PCSK5: variants seen among roughly 807,000 people sequenced by gnomAD.
PCSK5 encodes proprotein convertase subtilisin/kexin type 5.
In PCSK5, 129 loss-of-function variants were observed where a neutral mutation model predicts 233.2. The observed-to-expected ratio is 0.55, with a 90% CI of 0.48 to 0.64. The LOEUF (loss-of-function observed/expected upper bound fraction) is 0.64, where lower values mean the gene tolerates loss of function less well. Ranked by LOEUF, PCSK5 falls within the 30% of genes least tolerant of loss-of-function variation. The probability of loss-of-function intolerance (pLI) is 0.00; values close to 1 mark genes in which losing one functional copy is unlikely to be tolerated. For synonymous variants in PCSK5, 825 were observed against 879.2 expected (o/e 0.94, Z 1.09); for missense variants, 2,076 against 2,430.1 (o/e 0.85, Z 3.06).
chr9:76,344,731 T>A (rs1829929679), intron 35 of PCSK5, among the ~76,000 whole-genome samples: 1 of 152,208 alleles, frequency 6.6e-6, no homozygotes, highest in Admixed American at 6.5e-5. Context: ...GGTTGTCTGA[T>A]AAAATACTGT....
At chr9:76,164,940 C>CA (rs35432278) in intron 12 of PCSK5, among the ~76,000 whole-genome samples, 24,529 of 141,160 alleles carry the variant, frequency 0.17, 2,063 homozygotes, top group Middle Eastern at 0.23. Context: ...GGTTTTTTAC[C>CA]AAAAAAAAAA....
At chr9:76,331,395 T>C (rs1236488781) in intron 33 of PCSK5, among the ~76,000 whole-genome samples, 4 of 152,044 alleles carry the variant, frequency 2.6e-5, no homozygotes, top group African/African-American at 9.7e-5. Flanking sequence ...GGGCCAGGCA[T>C]GGTGGCTCAC....
At chr9:75,934,535 T>C (rs554354926) in intron 2 of PCSK5, among the ~76,000 whole-genome samples, 1 of 151,606 alleles carries the variant, frequency 6.6e-6, no homozygotes, top group East Asian at 1.9e-4. Context: ...GTGTTGGGGG[T>C]TGGGGGAGCA....
At chr9:76,134,837 T>C (rs1822906363) in intron 10 of PCSK5, among the ~76,000 whole-genome samples, 1 of 152,062 alleles carries the variant, frequency 6.6e-6, no homozygotes, top group Non-Finnish European at 1.5e-5. Flanking sequence ...CCAAAATAGC[T>C]ATTCTATTTG....
chr9:75,892,432 T>C (rs1825650125), intron 1 of PCSK5, among the ~76,000 whole-genome samples: 1 of 152,172 alleles, frequency 6.6e-6, no homozygotes, highest in Non-Finnish European at 1.5e-5. Flanking sequence ...TCTTTGGGGT[T>C]GGCCGGAGGG....
At chr9:76,119,118 T>A (rs1427962736) in intron 9 of PCSK5, among the ~76,000 whole-genome samples, 1 of 152,088 alleles carries the variant, frequency 6.6e-6, no homozygotes. Context: ...ATTTTTGAAT[T>A]GTGAGGACTA....
Position 75,986,123 on chromosome 9 carries a change from T to A in PCSK5, c.298-9T>A. The A allele has an allele frequency of 6.5e-7, 1 of 1,541,348 alleles. No individual in the cohort carries two copies. On this transcript the variant is annotated splice_polypyrimidine_tract_variant and intron_variant, in intron 2 of 37. Transcript: ENST00000674117. ...AACGTGAATACTCACCAAATGTCCTTCTTGACAGGTGGAATGGATCCAACA... is the reference window on the plus strand; with the variant it reads ...AACGTGAATACTCACCAAATGTCCTACTTGACAGGTGGAATGGATCCAACA...
chr9:76,125,719 A>G (rs1204427831), intron 9 of PCSK5, among the ~76,000 whole-genome samples: 1 of 152,176 alleles, frequency 6.6e-6, no homozygotes, highest in Non-Finnish European at 1.5e-5. Context: ...AAAATCCACA[A>G]GTTAGCAGTC....
At chr9:76,201,005 C>G (rs935026165) in intron 20 of PCSK5, among the ~76,000 whole-genome samples, 9 of 152,194 alleles carry the variant, frequency 5.9e-5, no homozygotes, top group Non-Finnish European at 8.8e-5. Context: ...CAGATTTGCT[C>G]AGTCCCCAGG....
intron 20 of PCSK5, chr9:76,195,458 C>T (rs1332734927): frequency 6.6e-6 from 1 of 152,160 alleles, no homozygotes; most frequent in Non-Finnish European, 1.5e-5. Flanking sequence ...TTCCATTTCC[C>T]ACTGACCATG....
chr9:76,065,019 A>G (rs1020737796), intron 5 of PCSK5, among the ~76,000 whole-genome samples: 1 of 152,206 alleles, frequency 6.6e-6, no homozygotes, highest in Non-Finnish European at 1.5e-5. Flanking sequence ...CTAATATTCC[A>G]TTGTGTACAT....
chr9:76,155,509 A>C (rs565587385), intron 10 of PCSK5, among the ~76,000 whole-genome samples: 2 of 152,286 alleles, frequency 1.3e-5, no homozygotes, highest in Non-Finnish European at 2.9e-5. Context: ...AAAAAGACAT[A>C]TGCTGACAGA....
At chr9:76,299,876 C>T (rs1828552860) in intron 27 of PCSK5, among the ~76,000 whole-genome samples, 1 of 152,120 alleles carries the variant, frequency 6.6e-6, no homozygotes, top group Admixed American at 6.5e-5. Flanking sequence ...TACTGTTAAA[C>T]CATTTGGATT....
chr9:75,922,576 G>C (rs1399798352), intron 1 of PCSK5, among the ~76,000 whole-genome samples: 1 of 152,150 alleles, frequency 6.6e-6, no homozygotes, highest in Non-Finnish European at 1.5e-5. Context: ...TTGGGTTGTT[G>C]CCTTGAGTAG....
chr9:76,147,899 T>C (rs537094672), intron 10 of PCSK5, among the ~76,000 whole-genome samples: 6 of 152,224 alleles, frequency 3.9e-5, no homozygotes, highest in Middle Eastern at 3.4e-3. Flanking sequence ...TGACCCTATG[T>C]TTTCAAACTT....
At chr9:76,206,954 A>C (rs954503547) in intron 20 of PCSK5, among the ~76,000 whole-genome samples, 1 of 152,066 alleles carries the variant, frequency 6.6e-6, no homozygotes, top group Non-Finnish European at 1.5e-5. Flanking sequence ...GGTCCAGGGG[A>C]GAATCCATTT....
chr9:76,145,784 A>G (rs75186403), intron 10 of PCSK5, among the ~76,000 whole-genome samples: 2,264 of 152,308 alleles, frequency 0.015, 61 homozygotes, highest in African/African-American at 0.05. Flanking sequence ...TCTTTTCCAA[A>G]TTTAATTTTA....
chr9:76,036,672 A>G (rs1348923154), intron 5 of PCSK5, among the ~76,000 whole-genome samples: 1 of 152,262 alleles, frequency 6.6e-6, no homozygotes, highest in Non-Finnish European at 1.5e-5. Context: ...TGTCTCATTT[A>G]CTACTCACAA....
intron 7 of PCSK5, among the ~76,000 whole-genome samples, chr9:76,090,669 C>T (rs1038304924): frequency 5.9e-5 from 9 of 152,122 alleles, no homozygotes; most frequent in Non-Finnish European, 1.0e-4. Context: ...CTTAAACCAG[C>T]GGTTCTCAAC....
Sources: allele counts gnomAD v4.1 joint callset (sites outside exome capture counted in the v4.1 genomes callset), GRCh38; gene constraint gnomAD v4.1.1; transcripts MANE v1.5; gene names NCBI Gene and HGNC (gene_info 2026-07-23, HGNC 2026-07-21).